GPC5: variants seen among roughly 807,000 people sequenced by gnomAD.
GPC5 encodes glypican 5.
A neutral mutation model predicts 53.9 loss-of-function variants in GPC5; 47 were observed. The observed-to-expected ratio is 0.87, with a 90% CI of 0.69 to 1.11. The LOEUF (loss-of-function observed/expected upper bound fraction) is 1.11, where lower values mean the gene tolerates loss of function less well. Among genes scored for constraint, GPC5 ranks in the 50% most tolerant of loss-of-function variants. GPC5 has a pLI of 0.00. For missense variants in GPC5, 748 were observed against 713.1 expected (o/e 1.05, Z -0.56); for synonymous variants, 286 against 263.3 (o/e 1.09, Z -0.84).
At chr13:92,056,756 A>G (rs542220285) in intron 6 of GPC5, among the ~76,000 whole-genome samples, 2 of 152,222 alleles carry the variant, frequency 1.3e-5, no homozygotes, top group East Asian at 1.9e-4. Context: ...TTTCATTTTT[A>G]TAGGTTTATA....
intron 2 of GPC5, among the ~76,000 whole-genome samples, chr13:91,656,872 G>A (rs943939306): frequency 1.3e-5 from 2 of 152,166 alleles, no homozygotes; most frequent in African/African-American, 4.8e-5. Flanking sequence ...TTGAGCATCT[G>A]TAATATTTTA....
chr13:92,732,796 T>C (rs1888841805), intron 7 of GPC5, among the ~76,000 whole-genome samples: 2 of 151,682 alleles, frequency 1.3e-5, no homozygotes, highest in Non-Finnish European at 3.0e-5. Context: ...TCGATGTCTC[T>C]ACTGTTTTGG....
chr13:92,252,376 C>G (rs1310309962), intron 7 of GPC5, among the ~76,000 whole-genome samples: 1 of 152,066 alleles, frequency 6.6e-6, no homozygotes, highest in Non-Finnish European at 1.5e-5. Context: ...GAGAAAGAAG[C>G]TCCCTGCGTA....
At chr13:91,699,896 CAATT>C (rs1391812692) in intron 3 of GPC5, among the ~76,000 whole-genome samples, 1 of 152,050 alleles carries the variant, frequency 6.6e-6, no homozygotes. Flanking sequence ...TGTGTAGTAA[CAATT>C]AATTGTTTCT....
chr13:91,756,244 C>A (rs758287915), intron 4 of GPC5, 51 bp from the exon 5 acceptor site: 1 of 1,380,572 alleles, frequency 7.2e-7, no homozygotes, highest in South Asian at 1.8e-5. Context: ...TTTTTGATGG[C>A]CTTTATTGTG....
chr13:92,602,199 T>TATATATTACATATATATAA (rs1566313933), intron 7 of GPC5, among the ~76,000 whole-genome samples: 3 of 136,716 alleles, frequency 2.2e-5, no homozygotes, highest in African/African-American at 8.2e-5. Flanking sequence ...TATATATAAA[T>TATATATTACATATATATAA]ATATATATTA....
Position 92,242,232 on chromosome 13 carries a change from C to CAAAA in GPC5, c.1561+97260_1561+97263dup, listed in dbSNP as rs752173365. Among the ~76,000 whole-genome samples the CAAAA allele has an allele frequency of 6.5e-4, 53 of 81,870 alleles. 1 individual carries two copies. Among genetic ancestry groups the CAAAA allele is most frequent in the South Asian group, 2.9e-3 (7 of 2,386 alleles). 53.7% of individuals were successfully genotyped at this position (81,870 alleles called of 152,430 possible). On this transcript the variant is annotated intron_variant, in intron 7 of 7. Transcript: ENST00000377067. ...TGAGGAATAGAGCAAGACTCTGTCT[C>CAAAA]AAAAAAAAAAAAAAAAAAAATTATT...
chr13:91,918,212 T>C (rs536822850), intron 6 of GPC5, among the ~76,000 whole-genome samples: 9 of 152,284 alleles, frequency 5.9e-5, no homozygotes, highest in Admixed American at 3.9e-4. Flanking sequence ...ACTCACTCAC[T>C]ATCACAAGAA....
At chr13:92,251,441 G>T (rs1025089074) in intron 7 of GPC5, among the ~76,000 whole-genome samples, 4 of 152,090 alleles carry the variant, frequency 2.6e-5, no homozygotes, top group African/African-American at 9.7e-5. Flanking sequence ...GTGAGAAGAT[G>T]CTGGGGTTTG....
chr13:91,907,829 G>A (rs1350026427), intron 5 of GPC5, 108 bp from the exon 6 acceptor site: 6 of 1,060,808 alleles, frequency 5.7e-6, no homozygotes, highest in Non-Finnish European at 8.2e-6. Flanking sequence ...AAATACATTG[G>A]TGTATTCTCT....
At chr13:92,833,325 G>A (rs1231291495) in intron 7 of GPC5, among the ~76,000 whole-genome samples, 3 of 152,110 alleles carry the variant, frequency 2.0e-5, no homozygotes, top group Non-Finnish European at 4.4e-5. Flanking sequence ...TAAACAATAT[G>A]CAAGATGATA....
chr13:92,357,429 T>G (rs995690383), intron 7 of GPC5, among the ~76,000 whole-genome samples: 8 of 151,776 alleles, frequency 5.3e-5, no homozygotes, highest in African/African-American at 2.0e-4. Flanking sequence ...TGAGATGGCA[T>G]TTCATTGTGG....
At chr13:92,622,222 G>A (rs567704590) in intron 7 of GPC5, among the ~76,000 whole-genome samples, 8 of 152,264 alleles carry the variant, frequency 5.3e-5, no homozygotes, top group Admixed American at 1.3e-4. Context: ...TAGCAGTGGC[G>A]CTGTTCCTGT....
intron 7 of GPC5, among the ~76,000 whole-genome samples, chr13:92,752,909 G>A (rs1566401774): frequency 6.6e-6 from 1 of 152,178 alleles, no homozygotes; most frequent in Non-Finnish European, 1.5e-5. Flanking sequence ...AGTGAGGCTG[G>A]GGGAGGGGCG....
chr13:92,205,802 T>C (rs886313985), intron 7 of GPC5, among the ~76,000 whole-genome samples: 1 of 152,122 alleles, frequency 6.6e-6, no homozygotes, highest in Non-Finnish European at 1.5e-5. Flanking sequence ...ATCCTAGCAC[T>C]TTCGGAGGCC....
intron 2 of GPC5, among the ~76,000 whole-genome samples, chr13:91,562,619 A>ATTTTTTTTTTTT (rs35271520): frequency 7.9e-6 from 1 of 126,076 alleles, no homozygotes. Flanking sequence ...ATGCCTGGCT[A>ATTTTTTTTTTTT]TTTTTTTTTT....
At chr13:92,514,811 C>T (rs1176554011) in intron 7 of GPC5, among the ~76,000 whole-genome samples, 1 of 152,080 alleles carries the variant, frequency 6.6e-6, no homozygotes, top group East Asian at 1.9e-4. Flanking sequence ...ACCCATTCGG[C>T]CTTCTCCAAT....
intron 7 of GPC5, among the ~76,000 whole-genome samples, chr13:92,859,918 A>C (rs1879123820): frequency 6.6e-6 from 1 of 152,144 alleles, no homozygotes; most frequent in Non-Finnish European, 1.5e-5. Context: ...AGCATCAGGA[A>C]CTGTCAAAAG....
chr13:92,703,255 T>G (rs1489247384), intron 7 of GPC5, among the ~76,000 whole-genome samples: 1 of 151,578 alleles, frequency 6.6e-6, no homozygotes, highest in Non-Finnish European at 1.5e-5. Context: ...ATAAATTAAT[T>G]AAAAATAGAG....
Sources: allele counts gnomAD v4.1 joint callset (sites outside exome capture counted in the v4.1 genomes callset), GRCh38; gene constraint gnomAD v4.1.1; transcripts MANE v1.5; gene names NCBI Gene and HGNC (gene_info 2026-07-23, HGNC 2026-07-21).